MRPL1: variants seen among roughly 807,000 people sequenced by gnomAD.
MRPL1 encodes the protein mitochondrial ribosomal protein L1.
A neutral mutation model predicts 38.0 loss-of-function variants in MRPL1; 28 were observed. The observed-to-expected ratio is 0.74, with a 90% CI of 0.55 to 1.01. The LOEUF (loss-of-function observed/expected upper bound fraction) is 1.01. Among genes scored for constraint, MRPL1 ranks in the 50% least tolerant of loss-of-function variants. The pLI, the probability that MRPL1 is intolerant of heterozygous loss-of-function variation, is 0.00. For synonymous variants in MRPL1, 123 were observed against 126.7 expected, an observed-to-expected ratio of 0.97 and a Z score of 0.20; for missense variants, 358 against 389.8, an observed-to-expected ratio of 0.92 and a Z score of 0.69.
chr4:77,947,549 G>A (rs999247846), intron 7 of MRPL1, among the ~76,000 whole-genome samples: 4 of 152,086 alleles, frequency 2.6e-5, no homozygotes, highest in Non-Finnish European at 4.4e-5. Flanking sequence ...TCCTGCCTCC[G>A]TAAGACCACA....
chr4:77,910,632 T>C (rs1256933916), intron 7 of MRPL1, among the ~76,000 whole-genome samples: 1 of 152,202 alleles, frequency 6.6e-6, no homozygotes, highest in African/African-American at 2.4e-5. Flanking sequence ...CTGGGTGCTA[T>C]GTTGCCCAGG....
intron 5 of MRPL1, among the ~76,000 whole-genome samples, chr4:77,888,860 C>T (rs1443247931): frequency 6.6e-6 from 1 of 152,100 alleles, no homozygotes; most frequent in East Asian, 1.9e-4. Context: ...TATCCCTCCC[C>T]CGTCCCCTAC....
At chr4:77,947,597 GACTA>G (rs777521973) in intron 7 of MRPL1, among the ~76,000 whole-genome samples, 34 of 152,192 alleles carry the variant, frequency 2.2e-4, no homozygotes, top group African/African-American at 8.0e-4. Flanking sequence ...TGGAAGTGCA[GACTA>G]ACTGAGAAGT....
At chr4:77,886,630 G>T (rs1182713106) in intron 4 of MRPL1, among the ~76,000 whole-genome samples, 1 of 151,600 alleles carries the variant, frequency 6.6e-6, no homozygotes, top group Non-Finnish European at 1.5e-5. Context: ...ACCATACCCA[G>T]CCTGGCAGGC....
In MRPL1 at chr4:77,887,208, G is replaced by T. The variant is rs767422019; in HGVS notation, c.487-12G>T. The T allele has an allele frequency of 1.9e-6, 3 of 1,603,358 alleles. No homozygotes were observed. Among genetic ancestry groups the T allele is most frequent in the Non-Finnish European group, 2.6e-6 (3 of 1,170,288 alleles). On this transcript the variant is annotated splice_polypyrimidine_tract_variant and intron_variant, in intron 4 of 8. Coordinates refer to ENST00000315567, the MANE Select transcript of MRPL1 (RefSeq NM_020236.4). ...ATTAATGATTGATTTTCAAATTATT[G>T]TGTTTTGGTAGAATGCATCAGAGGT...
intron 7 of MRPL1, among the ~76,000 whole-genome samples, chr4:77,918,791 G>C (rs1365600296): frequency 1.3e-5 from 2 of 152,104 alleles, no homozygotes; most frequent in African/African-American, 4.8e-5. Context: ...CCAACTCCTA[G>C]AAGAGTGCCT....
At chr4:77,886,318 C>G (rs552982168) in intron 4 of MRPL1, among the ~76,000 whole-genome samples, 2 of 152,104 alleles carry the variant, frequency 1.3e-5, no homozygotes, top group Admixed American at 6.6e-5. Flanking sequence ...CGGGTGCTAG[C>G]CACTATATGG....
chr4:77,938,497 C>G (rs1176038902), intron 7 of MRPL1, among the ~76,000 whole-genome samples: 1 of 152,202 alleles, frequency 6.6e-6, no homozygotes, highest in Non-Finnish European at 1.5e-5. Context: ...AGTTGTGCAA[C>G]TGGAAGACCA....
intron 7 of MRPL1, among the ~76,000 whole-genome samples, chr4:77,942,734 T>C (rs1737164075): frequency 6.6e-6 from 1 of 152,186 alleles, no homozygotes; most frequent in Admixed American, 6.5e-5. Context: ...TTAATTTTTT[T>C]CCCACCTCTT....
intron 3 of MRPL1, among the ~76,000 whole-genome samples, chr4:77,884,586 T>C (rs1017253001): frequency 6.6e-6 from 1 of 152,240 alleles, no homozygotes; most frequent in Non-Finnish European, 1.5e-5. Flanking sequence ...TCCAATTGAC[T>C]TTCTAAATAA....
At position 77,891,325 on chromosome 4, in the gene MRPL1, C is replaced by T. The variant is rs531385689; in HGVS notation, c.559-2814C>T. On this transcript the variant is annotated intron_variant, in intron 5 of 8. Transcript: ENST00000315567. ...AGTTACCTTGTAGAACTGTCATAGC[C>T]ACTCCTTTGGTTCAGTTTTTTTTGT... Among the ~76,000 whole-genome samples, 6 of 151,038 alleles carry T rather than the reference C, an allele frequency of 4.0e-5. No individual in the cohort carries two copies. In the East Asian group the frequency reaches 9.7e-4, roughly 24 times the overall value.
Position 77,903,294 on chromosome 4 carries a change from C to G in MRPL1, c.671-5972C>G, listed in dbSNP as rs144695946. 5.3e-3 allele frequency among the ~76,000 whole-genome samples: 811 copies of G among 152,148 alleles called. 7 individuals carry two copies. Among genetic ancestry groups the G allele is most frequent in the African/African-American group, 0.018 (762 of 41,496 alleles). On this transcript the variant is annotated intron_variant, in intron 6 of 8. Coordinates refer to ENST00000315567, the MANE Select transcript of MRPL1 (RefSeq NM_020236.4). ...CTCAGATGCAGAGAAAGCATTTTGG[C>G]AATAATAACTCTCAGAATACTGGAA...
In MRPL1 at chr4:77,883,494, A is replaced by G; in HGVS notation, c.396A>G (p.Gly132=). Residue 132 remains glycine, a synonymous_variant, in exon 3 of 9, where the codon GGA becomes GGG. Transcript: ENST00000315567. ...ATTTGACACTGGATATGGCACTGGG[A>G]AAGAAGGTATGTAGAGTCCATTAAA... ...YLDLTLDMAL[G]KKKNVEPFTS... 6.2e-7 allele frequency: 1 copy of G among 1,612,102 alleles called. No individual in the cohort carries two copies.
rs568106769 is a variant in MRPL1 at position 77,897,829 on chromosome 4, G to C, written c.670+3579G>C. On this transcript the variant is annotated intron_variant, in intron 6 of 8. Coordinates refer to ENST00000315567, the MANE Select transcript of MRPL1 (RefSeq NM_020236.4). The stretch of plus-strand genomic sequence containing the variant: ...AAAATAACCAAAACGGAGAATTTTT[G>C]CAAGGTAATGAATTTGAAATTTTTC... 5.3e-5 allele frequency among the ~76,000 whole-genome samples: 8 copies of C among 152,306 alleles called. No individual in the cohort carries two copies. The South Asian group carries it at 8.3e-4, about 16-fold the overall frequency.
At chr4:77,902,788 A>T (rs932531359) in intron 6 of MRPL1, among the ~76,000 whole-genome samples, 4 of 152,230 alleles carry the variant, frequency 2.6e-5, no homozygotes, top group African/African-American at 9.6e-5. Flanking sequence ...TGAAAGACAA[A>T]TTATCAAAAG....
chr4:77,892,839 T>G (rs1735835934), intron 5 of MRPL1, among the ~76,000 whole-genome samples: 1 of 152,212 alleles, frequency 6.6e-6, no homozygotes. Flanking sequence ...CCTCAGTTTT[T>G]TTTATCTGGA....
chr4:77,944,124 T>C lies in MRPL1; in HGVS notation c.778-5673T>C, dbSNP rs115975278. Among the ~76,000 whole-genome samples, 753 of 152,354 alleles carry C rather than the reference T, an allele frequency of 4.9e-3. 4 individuals are homozygous for C. The highest frequency in any genetic ancestry group is 8.6e-3 in the Non-Finnish European group (582 of 68,034). On this transcript the variant is annotated intron_variant, in intron 7 of 8. Transcript: ENST00000315567. The stretch of plus-strand genomic sequence containing the variant: ...TCCTTCCCCTAGGGATGGGGATTCC[T>C]GAGAGCCAAACTGTAGTGATTGTTA...
Position 77,874,406 on chromosome 4 carries a change from A to G in MRPL1, c.143+2551A>G, listed in dbSNP as rs151178833. Among the ~76,000 whole-genome samples, 825 of 152,298 alleles carry G rather than the reference A, an allele frequency of 5.4e-3. 7 individuals carry two copies. The highest frequency in any genetic ancestry group is 0.019 in the African/African-American group (771 of 41,584). ...GCATAATTTATGTAACTATTCCCCT[A>G]TTGAGGCACATTTTTCTTTCCATTC... On this transcript the variant is annotated intron_variant, in intron 2 of 8. Transcript: ENST00000315567.
intron 7 of MRPL1, among the ~76,000 whole-genome samples, chr4:77,942,896 G>A (rs188899864): frequency 1.7e-4 from 26 of 152,162 alleles, no homozygotes; most frequent in African/African-American, 6.3e-4. Context: ...TGAGATGTGA[G>A]GTACTATTCT....
Sources: gnomAD v4.1 joint callset for allele counts (sites outside exome capture counted in the v4.1 genomes callset) on GRCh38, gnomAD v4.1.1 for gene constraint, MANE v1.5 for transcripts, NCBI Gene and HGNC (gene_info 2026-07-23, HGNC 2026-07-21) for gene names.